Variants in MTTP observed in about 807,000 individuals in gnomAD.
MTTP encodes the protein microsomal triglyceride transfer protein large subunit.
In MTTP, 49 loss-of-function variants were observed where a neutral mutation model predicts 90.6. The ratio of observed to expected loss-of-function variants is 0.54; its 90% confidence interval spans 0.43 to 0.69. The LOEUF is 0.69. Ranked by LOEUF, MTTP falls within the 30% of genes least tolerant of loss-of-function variation. The probability of loss-of-function intolerance (pLI) is 0.00; values close to 1 mark genes in which losing one functional copy is unlikely to be tolerated. For synonymous variants in MTTP, 347 were observed against 384.2 expected (o/e 0.90, Z 1.13); for missense variants, 945 against 1,067.5 (o/e 0.89, Z 1.60).
intron 9 of MTTP, 63 bp from the exon 10 acceptor site, chr4:99,601,544 A>G: frequency 8.2e-7 from 1 of 1,223,264 alleles, no homozygotes; most frequent in Non-Finnish European, 1.2e-6. Context: ...TTTTTAACTA[A>G]AAGTGTTCCT....
At chr4:99,568,975 A>G (rs1481637692) in intron 1 of MTTP, among the ~76,000 whole-genome samples, 6 of 152,166 alleles carry the variant, frequency 3.9e-5, no homozygotes, top group Non-Finnish European at 8.8e-5. Context: ...GAGGAGGAAC[A>G]TAACTCCTCA....
At chr4:99,569,242 A>G (rs915349149) in intron 1 of MTTP, among the ~76,000 whole-genome samples, 11 of 152,140 alleles carry the variant, frequency 7.2e-5, no homozygotes, top group African/African-American at 2.7e-4. Context: ...CATGAGAAAA[A>G]TACCACAAAA....
At chr4:99,617,725 A>G (rs1031970658) in intron 15 of MTTP, among the ~76,000 whole-genome samples, 2 of 152,190 alleles carry the variant, frequency 1.3e-5, no homozygotes, top group African/African-American at 4.8e-5. Context: ...TGAAAAAAAA[A>G]TGCAAGACTT....
upstream of MTTP, chr4:99,574,707 A>G (rs1012591389): frequency 5.1e-6 from 6 of 1,169,380 alleles, no homozygotes; most frequent in African/African-American, 9.1e-5. Context: ...ACTGCAGCCC[A>G]CCTACGTTTA....
Position 99,622,823 on chromosome 4 carries a change from A to G in MTTP, c.2660A>G (p.Asp887Gly). Residue 887 changes from aspartate to glycine, a missense_variant, in exon 18 of 18, where the codon GAT becomes GGT. By Grantham distance (94) the Asp-to-Gly change is moderately conservative. Coordinates refer to ENST00000265517, the MANE Select transcript of MTTP (RefSeq NM_001386140.1). ...MCKVVFAPQP[D>G]STSSGWF ...AAAGTGGTGTTTGCCCCTCAGCCGG[A>G]TAGTACTTCCAGCGGATGGTTTTGA... 3.1e-6 allele frequency: 5 copies of G among 1,614,146 alleles called. No individual in the cohort carries two copies. Among genetic ancestry groups the G allele is most frequent in the Non-Finnish European group, 3.4e-6 (4 of 1,179,990 alleles).
In MTTP at chr4:99,594,874, A is replaced by G. The variant is rs376659735; in HGVS notation, c.900A>G (p.Gly300=). ...AGGTCTTCCAGAGCCACTGTAAAGG[A>G]TGTCCTTCTGTAAGTGCAGACAAAT... ...VGQVFQSHCK[G]CPSLSELWRS... is the part of the protein sequence containing the mutation. The change falls in exon 7 of 18, where the codon GGA becomes GGG. Residue 300 remains glycine, a synonymous_variant. Transcript: ENST00000265517. 1.2e-5 allele frequency: 20 copies of G among 1,613,750 alleles called. No homozygotes were observed. The highest frequency in any genetic ancestry group is 1.7e-5 in the Admixed American group (1 of 59,978).
intron 14 of MTTP, 152 bp from the exon 15 acceptor site, chr4:99,612,761 G>GT (rs527969923): frequency 1.4e-6 from 1 of 703,768 alleles, no homozygotes. Context: ...AGGCACAGAG[G>GT]TTTTTGTCTG....
intron 6 of MTTP, 142 bp downstream of exon 6, chr4:99,591,932 G>C: frequency 1.3e-6 from 1 of 799,592 alleles, no homozygotes; most frequent in Non-Finnish European, 2.0e-6. Flanking sequence ...TAAGTTCTGA[G>C]AAAAGCATTG....
chr4:99,617,620 C>G (rs1452190202), intron 15 of MTTP, among the ~76,000 whole-genome samples: 1 of 152,102 alleles, frequency 6.6e-6, no homozygotes, highest in African/African-American at 2.4e-5. Flanking sequence ...GAGTCTCTTT[C>G]TCAAAATCAT....
intron 15 of MTTP, among the ~76,000 whole-genome samples, chr4:99,616,399 CAAAG>C (rs1726101231): frequency 6.6e-6 from 1 of 152,006 alleles, no homozygotes; most frequent in African/African-American, 2.4e-5. Flanking sequence ...GACCCCATCT[CAAAG>C]AAAGAAAGAA....
chr4:99,605,251 A>T lies in MTTP; in HGVS notation c.1345-1497A>T, dbSNP rs551355411. 3.9e-5 allele frequency among the ~76,000 whole-genome samples: 6 copies of T among 152,184 alleles called. No homozygotes were observed. The South Asian group carries it at 1.0e-3, about 26-fold the overall frequency. On this transcript the variant is annotated intron_variant, in intron 10 of 17. Transcript: ENST00000265517. Reference sequence around the variant, plus strand: ...TAAAAAAAATCACTCATTAAAAAAAATTTTTCTTTCTATGTTTCTTTTTGC... The same window carrying T: ...TAAAAAAAATCACTCATTAAAAAAATTTTTTCTTTCTATGTTTCTTTTTGC...
At chr4:99,605,803 A>G (rs1461115591) in intron 10 of MTTP, among the ~76,000 whole-genome samples, 2 of 151,240 alleles carry the variant, frequency 1.3e-5, no homozygotes, top group Admixed American at 6.6e-5. Flanking sequence ...CTTTCCTTCT[A>G]TTGGGAGCCT....
intron 12 of MTTP, among the ~76,000 whole-genome samples, chr4:99,609,200 G>A (rs1371806121): frequency 6.6e-6 from 1 of 152,166 alleles, no homozygotes; most frequent in Non-Finnish European, 1.5e-5. Flanking sequence ...ATAATTTTTA[G>A]TAGGGATGTC....
intron 1 of MTTP, among the ~76,000 whole-genome samples, chr4:99,579,474 G>C (rs996382461): frequency 2.0e-5 from 3 of 152,082 alleles, no homozygotes; most frequent in Non-Finnish European, 2.9e-5. Context: ...GTAGGAGTTG[G>C]GGGAGGGGGA....
At chr4:99,567,917 A>G (rs1724741694) in intron 1 of MTTP, among the ~76,000 whole-genome samples, 2 of 152,182 alleles carry the variant, frequency 1.3e-5, no homozygotes, top group African/African-American at 4.8e-5. Context: ...TACCACAGAA[A>G]AGGATCATGG....
Position 99,619,432 on chromosome 4 carries a change from G to A in MTTP, c.2342+334G>A, listed in dbSNP as rs184089912. Among the ~76,000 whole-genome samples, 231 of 152,084 alleles carry A rather than the reference G, an allele frequency of 1.5e-3. 1 individual carries two copies. Among genetic ancestry groups the A allele is most frequent in the African/African-American group, 5.4e-3 (223 of 41,498 alleles). ...TTAAGGTAAACTTTCCTCTTTTGTTGTCTTCAGTGGGGAAAAATAAAATAG... is the reference window on the plus strand; with the variant it reads ...TTAAGGTAAACTTTCCTCTTTTGTTATCTTCAGTGGGGAAAAATAAAATAG... On this transcript the variant is annotated intron_variant, in intron 16 of 17. Coordinates refer to ENST00000265517, the MANE Select transcript of MTTP (RefSeq NM_001386140.1).
intron 3 of MTTP, among the ~76,000 whole-genome samples, chr4:99,586,194 G>T (rs187170978): frequency 5.3e-5 from 8 of 152,162 alleles, no homozygotes; most frequent in African/African-American, 1.9e-4. Flanking sequence ...CATATTCATT[G>T]CACATCTTCT....
intron 3 of MTTP, 70 bp from the exon 4 acceptor site, chr4:99,589,573 G>A (rs1725362057): frequency 1.4e-5 from 12 of 885,476 alleles, no homozygotes; most frequent in Non-Finnish European, 2.3e-5. Context: ...GACCTTGCCT[G>A]ACACTTATTT....
At position 99,622,774 on chromosome 4, in the gene MTTP, C is replaced by T. The variant is rs757879019; in HGVS notation, c.2611C>T (p.His871Tyr). 4 of 1,614,090 alleles carry T rather than the reference C, an allele frequency of 2.5e-6. No homozygotes were observed. The highest frequency in any genetic ancestry group is 3.3e-5 in the Admixed American group (2 of 60,018). The change falls in exon 18 of 18, where the codon CAT (histidine) becomes TAT (tyrosine). Residue 871 changes from histidine to tyrosine, a missense_variant. Transcript: ENST00000265517. ...ATTAGCAGGATGTGAATTCCCGCTC[C>T]ATCAAGAGAACTCAGAGATGTGCAA... ...SVLAGCEFPL[H>Y]QENSEMCKVV... is the part of the protein sequence containing the mutation.
Sources: allele counts gnomAD v4.1 joint callset (sites outside exome capture counted in the v4.1 genomes callset), GRCh38; gene constraint gnomAD v4.1.1; transcripts MANE v1.5; gene names NCBI Gene and HGNC (gene_info 2026-07-23, HGNC 2026-07-21).